The following NOTCH2NLB variants were observed in gnomAD, a reference collection of about 807,000 sequenced individuals.
NOTCH2NLB encodes notch homolog 2 N-terminal-like protein B.
In NOTCH2NLB, 1 loss-of-function variant was observed where a neutral mutation model predicts 14.8. That is an observed-to-expected ratio of 0.07 (90% CI 0.02 to 0.32). The LOEUF (loss-of-function observed/expected upper bound fraction) is 0.32, where lower values mean the gene tolerates loss of function less well. Ranked by LOEUF, NOTCH2NLB falls within the 10% of genes least tolerant of loss-of-function variation. NOTCH2NLB has a pLI of 1.00. For synonymous variants in NOTCH2NLB, 6 were observed against 57.5 expected, an observed-to-expected ratio of 0.10 and a Z score of 4.05; for missense variants, 11 against 155.0, an observed-to-expected ratio of 0.07 and a Z score of 4.93.
the NOTCH2NLB span, among the ~76,000 whole-genome samples, chr1:148,691,850 C>G: frequency 4.0e-5 from 4 of 100,080 alleles, no homozygotes; most frequent in Admixed American, 9.9e-5. Flanking sequence ...CCTGACACCC[C>G]CCCCGCTCTT....
At chr1:148,608,142 AC>A (rs1264284106) in intron 3 of NOTCH2NLB, among the ~76,000 whole-genome samples, 1 of 135,870 alleles carries the variant, frequency 7.4e-6, no homozygotes, top group Non-Finnish European at 1.5e-5. Context: ...TAATTCCAGC[AC>A]TTTGGAAGGC....
intron 2 of NOTCH2NLB, among the ~76,000 whole-genome samples, chr1:148,633,040 C>T (rs2149612910): frequency 8.3e-6 from 1 of 120,010 alleles, no homozygotes; most frequent in South Asian, 2.9e-4. Flanking sequence ...ATGAGGTACT[C>T]AGGCCTACCT....
At chr1:148,660,230 C>G in intron 1 of NOTCH2NLB, among the ~76,000 whole-genome samples, 1 of 98,200 alleles carries the variant, frequency 1.0e-5, no homozygotes, top group East Asian at 2.7e-4. Flanking sequence ...ATTTGTATCA[C>G]TAGATTGAGC....
rs1332485108 is a variant in NOTCH2NLB, at chr1:148,649,676, A to G, written c.4-9587T>C. Among the ~76,000 whole-genome samples the G allele has an allele frequency of 1.4e-4, 21 of 151,662 alleles. No individual in the cohort carries two copies. In the East Asian group the frequency reaches 3.7e-3, roughly 27 times the overall value. The stretch of plus-strand genomic sequence containing the variant: ...TAGGTGCCCGCCACCACAACCGGCT[A>G]ATTTTTTTTGTATTTTTAGTAGAGA... On this transcript the variant is annotated intron_variant, in intron 1 of 4. Coordinates refer to ENST00000593495, the Ensembl canonical transcript of NOTCH2NLB.
At chr1:148,645,677 A>C (rs1252967669) in intron 1 of NOTCH2NLB, among the ~76,000 whole-genome samples, 1 of 148,496 alleles carries the variant, frequency 6.7e-6, no homozygotes, top group Non-Finnish European at 1.5e-5. Context: ...TACTATCTAA[A>C]TTCTACCCAT....
chr1:148,670,537 A>ATATATATAT (rs1553341879), intron 1 of NOTCH2NLB, among the ~76,000 whole-genome samples: 5 of 82,898 alleles, frequency 6.0e-5, no homozygotes, highest in African/African-American at 2.7e-4. Flanking sequence ...ACTAAAAAAA[A>ATATATATAT]AAATATATAT....
At chr1:148,646,832 C>G in intron 1 of NOTCH2NLB, among the ~76,000 whole-genome samples, 1 of 150,136 alleles carries the variant, frequency 6.7e-6, no homozygotes, top group Non-Finnish European at 1.5e-5. Context: ...GTTTATCAGC[C>G]CCAATTATAC....
At chr1:148,674,896 C>G (rs1420028614) in intron 1 of NOTCH2NLB, among the ~76,000 whole-genome samples, 1 of 135,406 alleles carries the variant, frequency 7.4e-6, no homozygotes, top group Non-Finnish European at 1.6e-5. Context: ...ACTAAATGTA[C>G]ATATTCTCTC....
chr1:148,670,539 A>AAATATATATATACATATATATATAT (rs1445301786), intron 1 of NOTCH2NLB, among the ~76,000 whole-genome samples: 23 of 93,422 alleles, frequency 2.5e-4, no homozygotes, highest in African/African-American at 9.9e-4. Context: ...TAAAAAAAAA[A>AAATATATATATACATATATATATAT]ATATATATAT....
chr1:148,703,216 G>A, the NOTCH2NLB span, among the ~76,000 whole-genome samples: 1 of 102,586 alleles, frequency 9.7e-6, no homozygotes, highest in African/African-American at 3.2e-5. Context: ...CGTGAACCCA[G>A]GAGGCGGAGC....
intron 1 of NOTCH2NLB, among the ~76,000 whole-genome samples, chr1:148,651,162 A>ATATATATATATAC (rs1325402394): frequency 2.2e-5 from 1 of 46,042 alleles, no homozygotes; most frequent in Admixed American, 2.7e-4. Context: ...AAAAAAAAAA[A>ATATATATATATAC]ATATATATAT....
At chr1:148,607,957 AGTGG>A (rs1663557747) in intron 3 of NOTCH2NLB, among the ~76,000 whole-genome samples, 1 of 138,368 alleles carries the variant, frequency 7.2e-6, no homozygotes, top group African/African-American at 3.1e-5. Context: ...ACAAGGACTC[AGTGG>A]GTGGAGCACC....
chr1:148,637,211 G>T lies in NOTCH2NLB; in HGVS notation c.77+2805C>A, dbSNP rs1293969788. 2.1e-5 allele frequency among the ~76,000 whole-genome samples: 3 copies of T among 145,294 alleles called. 1 individual carries two copies. Among genetic ancestry groups the T allele is most frequent in the South Asian group, 4.5e-4 (2 of 4,484 alleles). On this transcript the variant is annotated intron_variant, in intron 2 of 4. Transcript: ENST00000593495. ...AGCCTCCTGAGTAACTGGGATTACAGGTGCGTGCCACCACGCCCAGCTAAT... is the reference window on the plus strand; with the variant it reads ...AGCCTCCTGAGTAACTGGGATTACATGTGCGTGCCACCACGCCCAGCTAAT...
In NOTCH2NLB at chr1:148,637,169, G is replaced by A. The variant is rs1463684909; in HGVS notation, c.77+2847C>T. Reference sequence around the variant, plus strand: ...CTGCAAGCTCTGCCTCCTGGTTTCAGGCCATTCTCCTGCCTCAGCCTCCTG... The same window carrying A: ...CTGCAAGCTCTGCCTCCTGGTTTCAAGCCATTCTCCTGCCTCAGCCTCCTG... On this transcript the variant is annotated intron_variant, in intron 2 of 4. Coordinates refer to ENST00000593495, the Ensembl canonical transcript of NOTCH2NLB. 6.3e-5 allele frequency among the ~76,000 whole-genome samples: 9 copies of A among 143,926 alleles called. 1 individual carries two copies. Among genetic ancestry groups the A allele is most frequent in the Admixed American group, 1.4e-4 (2 of 14,596 alleles). The allele number at this position is 143,926 out of a possible 152,430, so 94.4% of individuals were successfully genotyped here.
intron 1 of NOTCH2NLB, among the ~76,000 whole-genome samples, chr1:148,650,877 T>C (rs1435622427): frequency 7.7e-4 from 93 of 121,366 alleles, no homozygotes; most frequent in African/African-American, 2.4e-3. Context: ...CGGTGGCTCA[T>C]GTCTTTAATC....
chr1:148,615,217 C>G (rs1225851508), intron 3 of NOTCH2NLB, among the ~76,000 whole-genome samples: 54 of 121,020 alleles, frequency 4.5e-4, no homozygotes, highest in Non-Finnish European at 9.0e-4. Context: ...TCACTGCAGC[C>G]TCAAACTCCT....
intron 2 of NOTCH2NLB, among the ~76,000 whole-genome samples, chr1:148,638,272 A>G (rs1664260941): frequency 6.7e-6 from 1 of 149,246 alleles, no homozygotes; most frequent in African/African-American, 2.5e-5. Context: ...TTTAAGAAAC[A>G]CATTGCTGAA....
At chr1:148,708,071 CTA>C in the NOTCH2NLB span, among the ~76,000 whole-genome samples, 20 of 63,494 alleles carry the variant, frequency 3.1e-4, 2 homozygotes, top group Admixed American at 4.6e-4. Flanking sequence ...CAAGAGGCAA[CTA>C]TATATATATA....
chr1:148,651,160 AAAATATATAT>A (rs1271768751), intron 1 of NOTCH2NLB, among the ~76,000 whole-genome samples: 3,092 of 45,662 alleles, frequency 0.068, 2 homozygotes, highest in East Asian at 0.094. Context: ...AAAAAAAAAA[AAAATATATAT>A]ATATATATAT....
Sources: gnomAD v4.1 joint callset for allele counts (sites outside exome capture counted in the v4.1 genomes callset) on GRCh38, gnomAD v4.1.1 for gene constraint, MANE v1.5 for transcripts, NCBI Gene and HGNC (gene_info 2026-07-23, HGNC 2026-07-21) for gene names.